The following MRPS28 variants were observed in gnomAD, a reference collection of about 807,000 sequenced individuals.
The protein encoded by MRPS28 is mitochondrial ribosomal protein S28.
A neutral mutation model predicts 10.8 loss-of-function variants in MRPS28; 7 were observed. That is an observed-to-expected ratio of 0.65 (90% confidence interval 0.37 to 1.22). The LOEUF is 1.22. Among genes scored for constraint, MRPS28 ranks in the 50% most tolerant of loss-of-function variants. The pLI is 0.02. For synonymous variants in MRPS28, 121 were observed against 93.3 expected (o/e 1.30, Z -1.71); for missense variants, 265 against 232.9 (o/e 1.14, Z -0.90).
At chr8:79,939,673 T>A (rs1403999745) in intron 2 of MRPS28, among the ~76,000 whole-genome samples, 1 of 152,066 alleles carries the variant, frequency 6.6e-6, no homozygotes, top group African/African-American at 2.4e-5. Context: ...AATAATCTTA[T>A]TAAGAAATAT....
intron 2 of MRPS28, among the ~76,000 whole-genome samples, chr8:79,991,928 C>A (rs1365066965): frequency 2.7e-5 from 1 of 36,948 alleles, no homozygotes; most frequent in African/African-American, 4.5e-5. Context: ...CTCTCTCTCT[C>A]TCTCTCTCTC....
chr8:80,019,418 G>A lies in MRPS28; in HGVS notation c.213+10618C>T, dbSNP rs549505450. Among the ~76,000 whole-genome samples the A allele has an allele frequency of 3.2e-4, 48 of 150,028 alleles. No homozygotes were observed. In the East Asian group the frequency reaches 8.4e-3, roughly 26 times the overall value. On this transcript the variant is annotated intron_variant, in intron 1 of 2. Transcript: ENST00000276585. ...AAATCACATGGTCGTATTTCATTTCGTCAAATGGAAAAGCATTTGACAAAA... is the reference window on the plus strand; with the variant it reads ...AAATCACATGGTCGTATTTCATTTCATCAAATGGAAAAGCATTTGACAAAA...
rs567500687 is a variant in MRPS28 at position 79,976,295 on chromosome 8, C to G, written c.395+26704G>C. On this transcript the variant is annotated intron_variant, in intron 2 of 2. Coordinates refer to ENST00000276585, the MANE Select transcript of MRPS28 (RefSeq NM_014018.3). ...ACAGGGTTTCTCCATGTTGATCAGG[C>G]TGGTCTCAAACTCCTGACCTCAGGT... 1.7e-4 allele frequency among the ~76,000 whole-genome samples: 26 copies of G among 152,272 alleles called. No homozygotes were observed. The East Asian group carries it at 4.8e-3, about 28-fold the overall frequency.
At chr8:80,011,210 C>T (rs1809037864) in intron 1 of MRPS28, among the ~76,000 whole-genome samples, 1 of 150,850 alleles carries the variant, frequency 6.6e-6, no homozygotes, top group Admixed American at 6.6e-5. Context: ...TTATTCCATC[C>T]ATAGTAGCTG....
At chr8:80,002,269 C>T (rs1286920387) in intron 2 of MRPS28, among the ~76,000 whole-genome samples, 1 of 151,902 alleles carries the variant, frequency 6.6e-6, no homozygotes, top group Non-Finnish European at 1.5e-5. Flanking sequence ...CCATTGATTA[C>T]TAGATTCACT....
At position 79,922,468 on chromosome 8, in the gene MRPS28, G is replaced by C. The variant is rs923167726; in HGVS notation, c.396-3320C>G. ...GGAAATTGCTAAGTGAGTATATTTT[G>C]TGTTCTCATCATCAAAAATGATTAA... is the stretch of plus-strand genomic sequence containing the variant. On this transcript the variant is annotated intron_variant, in intron 2 of 2. Transcript: ENST00000276585. Among the ~76,000 whole-genome samples, 66 of 152,190 alleles carry C rather than the reference G, an allele frequency of 4.3e-4. 1 individual carries two copies. The highest frequency in any genetic ancestry group is 2.1e-3 in the South Asian group (10 of 4,816).
chr8:79,935,623 A>G (rs1806588245), intron 2 of MRPS28, among the ~76,000 whole-genome samples: 1 of 152,246 alleles, frequency 6.6e-6, no homozygotes, highest in South Asian at 2.1e-4. Flanking sequence ...ATTAATAAAA[A>G]GGAGCTATCC....
chr8:80,024,230 A>G (rs76312147), intron 1 of MRPS28, among the ~76,000 whole-genome samples: 8 of 144,650 alleles, frequency 5.5e-5, no homozygotes, highest in African/African-American at 1.8e-4. Context: ...CCCTGTCTGG[A>G]AAAAAAAAAA....
At chr8:80,000,300 C>G (rs1342073218) in intron 2 of MRPS28, among the ~76,000 whole-genome samples, 1 of 152,044 alleles carries the variant, frequency 6.6e-6, no homozygotes, top group Non-Finnish European at 1.5e-5. Context: ...GTAAGAGTAA[C>G]TGGATATTAA....
At chr8:79,983,240 A>G (rs1808029782) in intron 2 of MRPS28, among the ~76,000 whole-genome samples, 1 of 152,114 alleles carries the variant, frequency 6.6e-6, no homozygotes, top group East Asian at 1.9e-4. Context: ...AAACTAACAA[A>G]CAGAAAGGAC....
intron 2 of MRPS28, among the ~76,000 whole-genome samples, chr8:79,953,814 T>G (rs1205713890): frequency 1.3e-5 from 2 of 152,126 alleles, no homozygotes; most frequent in Non-Finnish European, 2.9e-5. Flanking sequence ...TACCCAGATA[T>G]ATAAAGAAAT....
At chr8:80,016,200 C>A (rs1321803274) in intron 1 of MRPS28, among the ~76,000 whole-genome samples, 1 of 151,988 alleles carries the variant, frequency 6.6e-6, no homozygotes, top group Non-Finnish European at 1.5e-5. Flanking sequence ...AGGACATCAA[C>A]CAGAATAAAC....
rs80205123 is a variant in MRPS28, at chr8:79,940,998, T to C, written c.396-21850A>G. Among the ~76,000 whole-genome samples, 1,070 of 152,240 alleles carry C rather than the reference T, an allele frequency of 7.0e-3. 14 individuals are homozygous for C. Among genetic ancestry groups the C allele is most frequent in the East Asian group, 0.057 (294 of 5,188 alleles). ...AATTAAAATTCCTTTTTCTCACCAA[T>C]AGACAAACTAGTGATATAAGCCTAT... is the stretch of plus-strand genomic sequence containing the variant. On this transcript the variant is annotated intron_variant, in intron 2 of 2. Transcript: ENST00000276585.
Position 80,003,103 on chromosome 8 carries a change from A to G in MRPS28, c.291T>C (p.Asp97=), listed in dbSNP as rs752729774. 2 of 1,613,742 alleles carry G rather than the reference A, an allele frequency of 1.2e-6. No homozygotes were observed. The highest frequency in any genetic ancestry group is 2.2e-5 in the East Asian group (1 of 44,860). ...SPLTQMGPAK[D]KLVIGRIFHI... is the part of the protein sequence containing the mutation. ...GAAAGATCCGTCCAATGACCAGTTTATCCTTTGCAGGTCCCATCTGTGTAA... is the reference window on the plus strand; with the variant it reads ...GAAAGATCCGTCCAATGACCAGTTTGTCCTTTGCAGGTCCCATCTGTGTAA... Residue 97 remains aspartate, a synonymous_variant, in exon 2 of 3, where the codon GAT becomes GAC. Transcript: ENST00000276585.
intron 2 of MRPS28, among the ~76,000 whole-genome samples, chr8:79,972,361 A>C (rs1807656358): frequency 6.6e-6 from 1 of 152,144 alleles, no homozygotes; most frequent in South Asian, 2.1e-4. Flanking sequence ...GAGGATACCT[A>C]TACCCCATTT....
At chr8:79,964,070 T>C (rs889735502) in intron 2 of MRPS28, among the ~76,000 whole-genome samples, 2 of 152,144 alleles carry the variant, frequency 1.3e-5, no homozygotes, top group African/African-American at 4.8e-5. Context: ...TTATACAACC[T>C]TTTTCAGAGG....
chr8:79,939,775 CCTAG>C (rs1487792353), intron 2 of MRPS28, among the ~76,000 whole-genome samples: 1 of 151,972 alleles, frequency 6.6e-6, no homozygotes, highest in Non-Finnish European at 1.5e-5. Context: ...TCGAGACCAT[CCTAG>C]CTAACATGGT....
intron 1 of MRPS28, among the ~76,000 whole-genome samples, chr8:80,014,659 G>A (rs1159660872): frequency 6.6e-6 from 1 of 152,194 alleles, no homozygotes; most frequent in African/African-American, 2.4e-5. Context: ...AGGAATAAAT[G>A]TGTGGCCATA....
At chr8:79,965,936 C>G (rs967533016) in intron 2 of MRPS28, among the ~76,000 whole-genome samples, 23 of 151,932 alleles carry the variant, frequency 1.5e-4, no homozygotes, top group African/African-American at 5.3e-4. Flanking sequence ...TCATAAGGCT[C>G]TGATTTTATT....
Sources: gnomAD v4.1 joint callset for allele counts (sites outside exome capture counted in the v4.1 genomes callset) on GRCh38, gnomAD v4.1.1 for gene constraint, MANE v1.5 for transcripts, NCBI Gene and HGNC (gene_info 2026-07-23, HGNC 2026-07-21) for gene names.